The following POFUT1 variants were observed in gnomAD, a reference collection of about 807,000 sequenced individuals.
POFUT1 encodes the protein protein O-fucosyltransferase 1.
A neutral mutation model predicts 42.4 loss-of-function variants in POFUT1; 16 were observed. That is an observed-to-expected ratio of 0.38 (90% CI 0.26 to 0.57). The LOEUF is 0.57. POFUT1 is among the 20% of genes least tolerant of loss of function. The pLI is 0.71. For synonymous variants in POFUT1, 206 were observed against 205.4 expected (o/e 1.00, Z -0.03); for missense variants, 470 against 504.6 (o/e 0.93, Z 0.66).
At chr20:32,222,992 GC>G (rs2047398193) in intron 4 of POFUT1, 2 of 985,286 alleles carry the variant, frequency 2.0e-6, no homozygotes, top group African/African-American at 3.5e-5. Flanking sequence ...CCAGAACAAA[GC>G]CCTGCCTTGT....
chr20:32,216,573 C>G, intron 3 of POFUT1, 36 bp from the exon 4 acceptor site: 1 of 1,362,396 alleles, frequency 7.3e-7, no homozygotes, highest in Non-Finnish European at 1.1e-6. Flanking sequence ...GCTTTCCCTC[C>G]CCATCAGTAA....
At chr20:32,208,637 A>G (rs911841739) in intron 1 of POFUT1, among the ~76,000 whole-genome samples, 2 of 136,096 alleles carry the variant, frequency 1.5e-5, no homozygotes, top group African/African-American at 5.6e-5. Flanking sequence ...AACATAGTGA[A>G]AATCCAATCT....
chr20:32,218,208 C>A (rs1251117531), intron 4 of POFUT1, among the ~76,000 whole-genome samples: 1 of 152,154 alleles, frequency 6.6e-6, no homozygotes, highest in Admixed American at 6.5e-5. Context: ...ATGATCATAA[C>A]TCACTATAAC....
chr20:32,210,237 G>C, intron 2 of POFUT1, 45 bp downstream of exon 2: 1 of 1,611,050 alleles, frequency 6.2e-7, no homozygotes, highest in Non-Finnish European at 8.5e-7. Context: ...CCCTTTCTCA[G>C]TCTTGCTTAC....
chr20:32,209,021 G>A (rs1234085159), intron 1 of POFUT1, among the ~76,000 whole-genome samples: 2 of 152,190 alleles, frequency 1.3e-5, no homozygotes, highest in Non-Finnish European at 1.5e-5. Context: ...AAGGCCCCCA[G>A]TGGCTTCCAG....
intron 4 of POFUT1, 191 bp downstream of exon 4, chr20:32,216,912 G>A (rs2047364273): frequency 3.2e-6 from 5 of 1,569,928 alleles, no homozygotes; most frequent in Admixed American, 1.8e-5. Context: ...GTGGAACATT[G>A]ACCCGCCATG....
At chr20:32,214,169 G>A (rs1177898538) in intron 2 of POFUT1, among the ~76,000 whole-genome samples, 1 of 151,928 alleles carries the variant, frequency 6.6e-6, no homozygotes, top group African/African-American at 2.4e-5. Context: ...CTGTGGCCCA[G>A]GCTAGAGTAC....
chr20:32,223,296 C>A, intron 4 of POFUT1: 3 of 985,414 alleles, frequency 3.0e-6, no homozygotes, highest in Non-Finnish European at 3.6e-6. Context: ...CTGTTCCCCC[C>A]TCATTCTTTC....
Position 32,230,501 on chromosome 20 carries a change from C to T in POFUT1, c.736-318C>T, listed in dbSNP as rs542674684. 4.6e-5 allele frequency among the ~76,000 whole-genome samples: 7 copies of T among 152,012 alleles called. No homozygotes were observed. The East Asian group carries it at 1.4e-3, about 29-fold the overall frequency. On this transcript the variant is annotated intron_variant, in intron 5 of 6. Transcript: ENST00000375749. ...CCTGAGGTCAGGAGTTCAAGACCAG[C>T]CTGGCCAACATGGCAAAACTCCATC...
Position 32,237,703 on chromosome 20 carries a change from G to C in POFUT1, c.*3042G>C. 2.0e-6 allele frequency: 1 copy of C among 501,396 alleles called. No homozygotes were observed. 31.1% of individuals were successfully genotyped at this position (501,396 alleles called of 1,614,324 possible). On this transcript the variant is annotated 3_prime_UTR_variant, in exon 7 of 7. Transcript: ENST00000375749. ...GCATGAGCTGATTCACATTCTGAAG[G>C]ACCTCTCTAGCTGGCCAGTGCTGAG...
At chr20:32,227,252 C>T (rs1389383876) in intron 4 of POFUT1, among the ~76,000 whole-genome samples, 1 of 152,154 alleles carries the variant, frequency 6.6e-6, no homozygotes, top group Non-Finnish European at 1.5e-5. Flanking sequence ...GGCGCGGTGG[C>T]CCACACCTGT....
At chr20:32,232,733 T>C (rs923994265) in intron 6 of POFUT1, among the ~76,000 whole-genome samples, 1 of 152,086 alleles carries the variant, frequency 6.6e-6, no homozygotes, top group African/African-American at 2.4e-5. Flanking sequence ...GGGAGTTTTT[T>C]TGTGAGTTTT....
chr20:32,237,969 T>A lies in POFUT1; in HGVS notation c.*3308T>A, dbSNP rs2047480945. The A allele has an allele frequency of 2.5e-6, 1 of 399,252 alleles. No individual in the cohort carries two copies. The highest frequency in any genetic ancestry group is 5.2e-6 in the Non-Finnish European group (1 of 193,270). The allele number at this position is 399,252 out of a possible 1,614,324, so 24.7% of individuals were successfully genotyped here. ...TACATAGTTTTAATCATGTAATATA[T>A]ACAATTTAATGTCCTAGTGTTTTAC... On this transcript the variant is annotated 3_prime_UTR_variant, in exon 7 of 7. Coordinates refer to ENST00000375749, the MANE Select transcript of POFUT1 (RefSeq NM_015352.2).
In POFUT1 at chr20:32,234,929, C is replaced by T; in HGVS notation, c.*268C>T. On this transcript the variant is annotated 3_prime_UTR_variant, in exon 7 of 7. Transcript: ENST00000375749. Reference sequence around the variant, plus strand: ...AATTTCTCACACTGGCAAAGCAGTCCAGCCTCCGTCTTCTGGTCCACTCTG... The same window carrying T: ...AATTTCTCACACTGGCAAAGCAGTCTAGCCTCCGTCTTCTGGTCCACTCTG... 1 of 375,318 alleles carries T rather than the reference C, an allele frequency of 2.7e-6. No individual in the cohort carries two copies. The allele number at this position is 375,318 out of a possible 1,614,324, so 23.2% of individuals were successfully genotyped here.
chr20:32,234,719 T>C lies in POFUT1; in HGVS notation c.*58T>C. The C allele has an allele frequency of 6.9e-7, 1 of 1,451,082 alleles. No individual in the cohort carries two copies. The highest frequency in any genetic ancestry group is 9.3e-7 in the Non-Finnish European group (1 of 1,074,938). The allele number at this position is 1,451,082 out of a possible 1,614,324, so 89.9% of individuals were successfully genotyped here. On this transcript the variant is annotated 3_prime_UTR_variant, in exon 7 of 7. Coordinates refer to ENST00000375749, the MANE Select transcript of POFUT1 (RefSeq NM_015352.2). ...GAGGGACCAGAGTCTGAGCTGGTCC[T>C]TCCAGCCAGGCCTGGCAGCCAGAGG...
intron 4 of POFUT1, among the ~76,000 whole-genome samples, chr20:32,225,419 C>A (rs755817730): frequency 6.6e-6 from 1 of 152,044 alleles, no homozygotes; most frequent in Non-Finnish European, 1.5e-5. Flanking sequence ...GATCTCCCGA[C>A]CTCGTGATCC....
In POFUT1 at chr20:32,236,812, T is replaced by C. The variant is rs937613282; in HGVS notation, c.*2151T>C. 1 of 152,234 alleles carries C rather than the reference T, an allele frequency of 6.6e-6. No homozygotes were observed. The highest frequency in any genetic ancestry group is 2.4e-5 in the African/African-American group (1 of 41,454). 9.4% of individuals were successfully genotyped at this position (152,234 alleles called of 1,614,324 possible). On this transcript the variant is annotated 3_prime_UTR_variant, in exon 7 of 7. Coordinates refer to ENST00000375749, the MANE Select transcript of POFUT1 (RefSeq NM_015352.2). ...TAATTGCTTTATGGGGGCATTCTCT[T>C]ATTTATTCCCCAGCCCTGGGAAATA...
rs1381224489 is a variant in POFUT1, at chr20:32,238,658, A to T, written c.*3997A>T. ...AAATGAACTCACAGTTTCAACAATG[A>T]CCCACATTTTACCAGTCTAGTTGCA... On this transcript the variant is annotated 3_prime_UTR_variant, in exon 7 of 7. Transcript: ENST00000375749. The T allele has an allele frequency of 2.0e-5, 3 of 152,150 alleles. No individual in the cohort carries two copies. The highest frequency in any genetic ancestry group is 4.8e-5 in the African/African-American group (2 of 41,424). The allele number at this position is 152,150 out of a possible 1,614,324, so 9.4% of individuals were successfully genotyped here. A position where few individuals can be genotyped will look rare whatever the true frequency, so the allele number is the denominator to read the frequency against.
chr20:32,234,145 C>T (rs1210963968), intron 6 of POFUT1, among the ~76,000 whole-genome samples: 1 of 152,228 alleles, frequency 6.6e-6, no homozygotes, highest in Non-Finnish European at 1.5e-5. Context: ...TAGCAAAAGC[C>T]CATCTCAAAA....
Sources: gnomAD v4.1 joint callset for allele counts (sites outside exome capture counted in the v4.1 genomes callset) on GRCh38, gnomAD v4.1.1 for gene constraint, MANE v1.5 for transcripts, NCBI Gene and HGNC (gene_info 2026-07-23, HGNC 2026-07-21) for gene names.